DCC: variants seen among roughly 807,000 people sequenced by gnomAD.
DCC encodes the protein netrin receptor DCC.
A neutral mutation model predicts 172.5 loss-of-function variants in DCC; 58 were observed. The observed-to-expected ratio is 0.34, with a 90% CI of 0.27 to 0.42. The LOEUF is 0.42. Ranked by LOEUF, DCC falls within the 10% of genes least tolerant of loss-of-function variation. The pLI, the probability that DCC is intolerant of heterozygous loss-of-function variation, is 1.00. For synonymous variants in DCC, 709 were observed against 644.5 expected (o/e 1.10, Z -1.52); for missense variants, 1,740 against 1,791.0 (o/e 0.97, Z 0.51).
chr18:53,510,496 G>GT (rs1568177710), intron 27 of DCC, among the ~76,000 whole-genome samples: 2 of 152,144 alleles, frequency 1.3e-5, no homozygotes, highest in African/African-American at 4.8e-5. Flanking sequence ...TAAAAATGCC[G>GT]TAAGTCAAAA....
At chr18:52,495,433 G>A (rs2030703819) in intron 1 of DCC, among the ~76,000 whole-genome samples, 1 of 152,116 alleles carries the variant, frequency 6.6e-6, no homozygotes. Context: ...AATGCCCCAA[G>A]AGAGAAGTTT....
rs569096824 is a variant in DCC, at chr18:52,345,491, C to A, written c.91+4613C>A. 2.0e-5 allele frequency among the ~76,000 whole-genome samples: 3 copies of A among 152,174 alleles called. No homozygotes were observed. In the South Asian group the frequency reaches 6.2e-4, roughly 32 times the overall value. Reference sequence around the variant, plus strand: ...GAATCATAGCTTGGAATCTCACTAACTCATGATTAATAGACACTCAATTAA... The same window carrying A: ...GAATCATAGCTTGGAATCTCACTAAATCATGATTAATAGACACTCAATTAA... On this transcript the variant is annotated intron_variant, in intron 1 of 28. Coordinates refer to ENST00000442544, the MANE Select transcript of DCC (RefSeq NM_005215.4).
chr18:53,307,984 G>T (rs1483505048), intron 13 of DCC, among the ~76,000 whole-genome samples: 3 of 126,330 alleles, frequency 2.4e-5, no homozygotes. Context: ...TGTGTATGTG[G>T]ATGTATGTCT....
intron 2 of DCC, among the ~76,000 whole-genome samples, chr18:52,891,347 A>C (rs563513126): frequency 6.6e-6 from 1 of 152,230 alleles, no homozygotes; most frequent in South Asian, 2.1e-4. Context: ...TGTGTCTATT[A>C]CATTAGTTTT....
At position 53,447,319 on chromosome 18, in the gene DCC, A is replaced by G. The variant is rs139803408; in HGVS notation, c.3230-3181A>G. ...ATCTGATTATTCAGCCTTTGATTTC[A>G]GATTGAGTGATTAATGAAAGACCTT... On this transcript the variant is annotated intron_variant, in intron 22 of 28. Transcript: ENST00000442544. Among the ~76,000 whole-genome samples, 21 of 152,298 alleles carry G rather than the reference A, an allele frequency of 1.4e-4. No individual in the cohort carries two copies. The East Asian group carries it at 3.9e-3, about 28-fold the overall frequency.
intron 2 of DCC, among the ~76,000 whole-genome samples, chr18:52,790,497 G>T (rs1466940139): frequency 6.6e-6 from 1 of 152,056 alleles, no homozygotes; most frequent in Non-Finnish European, 1.5e-5. Flanking sequence ...CAGGCTTCTG[G>T]GTTCCCTTCC....
chr18:52,406,194 T>C lies in DCC; in HGVS notation c.91+65316T>C, dbSNP rs558309956. ...ATTCAAGTTGGATTGAAGACTTAAATGTTAGACCTAAAACCATAAAAACCA... is the reference window on the plus strand; with the variant it reads ...ATTCAAGTTGGATTGAAGACTTAAACGTTAGACCTAAAACCATAAAAACCA... On this transcript the variant is annotated intron_variant, in intron 1 of 28. Coordinates refer to ENST00000442544, the MANE Select transcript of DCC (RefSeq NM_005215.4). 9.2e-5 allele frequency among the ~76,000 whole-genome samples: 14 copies of C among 151,400 alleles called. No individual in the cohort carries two copies. The East Asian group carries it at 2.7e-3, about 29-fold the overall frequency.
chr18:52,375,515 T>C (rs547877128), intron 1 of DCC, among the ~76,000 whole-genome samples: 2 of 152,208 alleles, frequency 1.3e-5, no homozygotes, highest in Non-Finnish European at 2.9e-5. Context: ...AGAAACAAGA[T>C]TGTAGGAACA....
At chr18:52,792,153 C>T (rs1598806621) in intron 2 of DCC, among the ~76,000 whole-genome samples, 1 of 151,976 alleles carries the variant, frequency 6.6e-6, no homozygotes, top group African/African-American at 2.4e-5. Flanking sequence ...ATGCCATGAA[C>T]TCTCCAGACC....
chr18:53,303,181 G>A (rs1317080041), intron 12 of DCC, among the ~76,000 whole-genome samples: 1 of 152,024 alleles, frequency 6.6e-6, no homozygotes, highest in Admixed American at 6.6e-5. Context: ...TATTCCCACT[G>A]AATTTTGAGA....
rs535355890 is a variant in DCC at position 52,545,863 on chromosome 18, C to T, written c.91+204985C>T. Among the ~76,000 whole-genome samples the T allele has an allele frequency of 1.3e-3, 199 of 152,270 alleles. 3 individuals carry two copies. Among genetic ancestry groups the T allele is most frequent in the African/African-American group, 4.7e-3 (197 of 41,542 alleles). On this transcript the variant is annotated intron_variant, in intron 1 of 28. Coordinates refer to ENST00000442544, the MANE Select transcript of DCC (RefSeq NM_005215.4). Reference sequence around the variant, plus strand: ...ACTGTTTGTTATTACTTACACATCCCTACCCATTTGGATACAGTTTCTTAC... The same window carrying T: ...ACTGTTTGTTATTACTTACACATCCTTACCCATTTGGATACAGTTTCTTAC...
At chr18:52,447,931 G>T (rs1251114503) in intron 1 of DCC, among the ~76,000 whole-genome samples, 1 of 152,144 alleles carries the variant, frequency 6.6e-6, no homozygotes, top group Non-Finnish European at 1.5e-5. Flanking sequence ...CAACACTGGG[G>T]ATTATATTCC....
chr18:53,522,379 T>C (rs1005007910), intron 27 of DCC, among the ~76,000 whole-genome samples: 1 of 151,908 alleles, frequency 6.6e-6, no homozygotes, highest in Admixed American at 6.6e-5. Flanking sequence ...TCTTGGCTAT[T>C]GTTGAGTTAG....
chr18:53,402,728 C>A (rs1909388469), intron 18 of DCC, 58 bp from the exon 19 acceptor site: 3 of 1,234,774 alleles, frequency 2.4e-6, no homozygotes, highest in Admixed American at 1.7e-5. Context: ...AAATTTCCAA[C>A]AATGTTTATT....
intron 12 of DCC, among the ~76,000 whole-genome samples, chr18:53,261,828 C>G (rs931835781): frequency 2.6e-5 from 4 of 152,118 alleles, no homozygotes; most frequent in African/African-American, 7.2e-5. Context: ...GGGTCTGCCT[C>G]TGGGATGGTA....
chr18:52,636,808 C>T (rs1467419490), intron 1 of DCC, among the ~76,000 whole-genome samples: 1 of 152,170 alleles, frequency 6.6e-6, no homozygotes, highest in South Asian at 2.1e-4. Context: ...GGTCCCTCTC[C>T]ATGCTACTTA....
At chr18:52,894,789 G>T (rs572198926) in intron 2 of DCC, among the ~76,000 whole-genome samples, 1 of 152,198 alleles carries the variant, frequency 6.6e-6, no homozygotes, top group South Asian at 2.1e-4. Context: ...CTTTTATTCT[G>T]CTTCTTGTTC....
chr18:52,420,945 C>A (rs1212320610), intron 1 of DCC, among the ~76,000 whole-genome samples: 1 of 152,060 alleles, frequency 6.6e-6, no homozygotes, highest in African/African-American at 2.4e-5. Flanking sequence ...TTATTCAGAT[C>A]AATTCACTTT....
At chr18:53,159,702 A>G (rs1172178290) in intron 8 of DCC, among the ~76,000 whole-genome samples, 2 of 137,444 alleles carry the variant, frequency 1.5e-5, no homozygotes, top group African/African-American at 5.0e-5. Flanking sequence ...TGTGGTTTCT[A>G]TAATCTATAA....
Sources: allele counts gnomAD v4.1 joint callset (sites outside exome capture counted in the v4.1 genomes callset), GRCh38; gene constraint gnomAD v4.1.1; transcripts MANE v1.5; gene names NCBI Gene and HGNC (gene_info 2026-07-23, HGNC 2026-07-21).